Variants in GAS2 observed in about 807,000 individuals in gnomAD.
GAS2 encodes the protein growth arrest-specific protein 2.
Under a neutral mutation model 37.5 loss-of-function variants are expected in GAS2, and 20 were observed. That is an observed-to-expected ratio of 0.53 (90% CI 0.37 to 0.77). The LOEUF is 0.77. Among genes scored for constraint, GAS2 ranks in the 30% least tolerant of loss-of-function variants. GAS2 has a pLI of 0.00. For synonymous variants in GAS2, 144 were observed against 132.2 expected, an observed-to-expected ratio of 1.09 and a Z score of -0.61; for missense variants, 336 against 373.4, an observed-to-expected ratio of 0.90 and a Z score of 0.82.
At position 22,652,528 on chromosome 11, in the gene GAS2, C is replaced by A. The variant is rs932890087; in HGVS notation, c.-20-22322C>A. 6.6e-5 allele frequency among the ~76,000 whole-genome samples: 10 copies of A among 152,320 alleles called. No homozygotes were observed. The East Asian group carries it at 1.9e-3, about 29-fold the overall frequency. On this transcript the variant is annotated intron_variant, in intron 1 of 5. Transcript: ENST00000528582. ...GGCGCCCCTTCCCCAGCCTGGCTGC[C>A]GCCTTGCAGTTTGATCTCAGACTGC... is the stretch of plus-strand genomic sequence containing the variant.
intron 7 of GAS2, among the ~76,000 whole-genome samples, chr11:22,796,489 T>G (rs1378261725): frequency 6.6e-6 from 1 of 152,154 alleles, no homozygotes; most frequent in Non-Finnish European, 1.5e-5. Context: ...TTGTAACATT[T>G]TTCTTTCCCT....
At chr11:22,648,853 C>T (rs962936052) in intron 1 of GAS2, among the ~76,000 whole-genome samples, 21 of 152,130 alleles carry the variant, frequency 1.4e-4, no homozygotes, top group African/African-American at 3.1e-4. Context: ...ACAATCATGT[C>T]GTCTACAAAC....
rs1307994687 is a variant in GAS2, at chr11:22,637,245, T to A, written c.-21+11432T>A. On this transcript the variant is annotated intron_variant, in intron 1 of 5. Coordinates refer to the GAS2 transcript ENST00000528582. Reference sequence around the variant, plus strand: ...GTATACTAATATAATATTAATTATATTAATAGTATACTAATATATTAATTA... The same window carrying A: ...GTATACTAATATAATATTAATTATAATAATAGTATACTAATATATTAATTA... Among the ~76,000 whole-genome samples, 6 of 47,228 alleles carry A rather than the reference T, an allele frequency of 1.3e-4. 1 individual carries two copies. The highest frequency in any genetic ancestry group is 3.8e-4 in the African/African-American group (5 of 13,086). 31.0% of individuals were successfully genotyped at this position (47,228 alleles called of 152,430 possible). A position where few individuals can be genotyped will look rare whatever the true frequency, so the allele number is the denominator to read the frequency against.
Position 22,721,563 on chromosome 11 carries a change from C to T in GAS2, c.268-4729C>T, listed in dbSNP as rs138385933. 8.0e-4 allele frequency among the ~76,000 whole-genome samples: 121 copies of T among 152,142 alleles called. 1 individual carries two copies. The highest frequency in any genetic ancestry group is 2.4e-3 in the African/African-American group (98 of 41,556). On this transcript the variant is annotated intron_variant, in intron 3 of 7. Transcript: ENST00000454584. ...TATAAAACTCCAAATTATAAATTCACTTCTCCCACTATGAATGTACTATCT... is the reference window on the plus strand; with the variant it reads ...TATAAAACTCCAAATTATAAATTCATTTCTCCCACTATGAATGTACTATCT...
At chr11:22,756,105 T>G in intron 7 of GAS2, 152 bp downstream of exon 7, 1 of 591,646 alleles carries the variant, frequency 1.7e-6, no homozygotes. Flanking sequence ...TACATTATAA[T>G]GTACTACTGA....
chr11:22,799,102 G>A (rs1231705485), intron 7 of GAS2, among the ~76,000 whole-genome samples: 1 of 152,072 alleles, frequency 6.6e-6, no homozygotes, highest in East Asian at 1.9e-4. Context: ...CCAGGGGGCT[G>A]AACAGATCTA....
At chr11:22,684,791 A>G (rs566427526) in intron 2 of GAS2, among the ~76,000 whole-genome samples, 2 of 152,230 alleles carry the variant, frequency 1.3e-5, no homozygotes, top group East Asian at 3.9e-4. Context: ...GCTGGTCTCT[A>G]ACTCACGAGC....
intron 1 of GAS2, among the ~76,000 whole-genome samples, chr11:22,649,958 G>A (rs1178893965): frequency 3.9e-5 from 6 of 151,968 alleles, no homozygotes; most frequent in Admixed American, 1.3e-4. Context: ...GTCTTCTGCT[G>A]GCTTTTGAAT....
At chr11:22,700,910 A>G (rs1437482763) in intron 3 of GAS2, among the ~76,000 whole-genome samples, 1 of 152,196 alleles carries the variant, frequency 6.6e-6, no homozygotes, top group Non-Finnish European at 1.5e-5. Flanking sequence ...TTCGATTACT[A>G]GAGGAGACAT....
intron 7 of GAS2, among the ~76,000 whole-genome samples, chr11:22,800,725 G>A (rs1001724485): frequency 2.6e-5 from 4 of 152,044 alleles, no homozygotes; most frequent in Admixed American, 2.0e-4. Flanking sequence ...TACGAATTAC[G>A]ATTTCAAACA....
chr11:22,754,823 A>G (rs971183746), intron 6 of GAS2, among the ~76,000 whole-genome samples: 2 of 152,180 alleles, frequency 1.3e-5, no homozygotes, highest in African/African-American at 4.8e-5. Context: ...TAAATGGGGT[A>G]GACCCCATGA....
At chr11:22,778,353 T>C (rs374072313) in intron 7 of GAS2, among the ~76,000 whole-genome samples, 22 of 152,326 alleles carry the variant, frequency 1.4e-4, no homozygotes, top group African/African-American at 5.3e-4. Context: ...GTCCCTGCTG[T>C]TAAGGAGTAT....
At chr11:22,640,940 C>T (rs1858902520) in intron 1 of GAS2, among the ~76,000 whole-genome samples, 1 of 151,974 alleles carries the variant, frequency 6.6e-6, no homozygotes, top group South Asian at 2.1e-4. Flanking sequence ...GTAAATAGGA[C>T]TGGGAGAAAG....
chr11:22,697,530 T>C (rs1341918616), intron 3 of GAS2, among the ~76,000 whole-genome samples: 3 of 152,232 alleles, frequency 2.0e-5, no homozygotes, highest in African/African-American at 7.2e-5. Flanking sequence ...TAAATTACCT[T>C]GGGCAGTATG....
At chr11:22,782,093 A>G (rs1855581600) in intron 7 of GAS2, among the ~76,000 whole-genome samples, 1 of 152,228 alleles carries the variant, frequency 6.6e-6, no homozygotes, top group Non-Finnish European at 1.5e-5. Context: ...TGTGTGAAAA[A>G]TAATGCAAAT....
At chr11:22,643,587 A>G (rs1406599457) in intron 1 of GAS2, among the ~76,000 whole-genome samples, 5 of 152,132 alleles carry the variant, frequency 3.3e-5, no homozygotes, top group Admixed American at 2.0e-4. Flanking sequence ...TTTGTGTAGT[A>G]ATAAATGGAA....
At chr11:22,698,719 G>A (rs1454874960) in intron 3 of GAS2, among the ~76,000 whole-genome samples, 1 of 151,968 alleles carries the variant, frequency 6.6e-6, no homozygotes, top group Non-Finnish European at 1.5e-5. Flanking sequence ...TTCAATATAT[G>A]CAAATCAATA....
chr11:22,788,048 G>A (rs1254564574), intron 7 of GAS2, among the ~76,000 whole-genome samples: 3 of 152,198 alleles, frequency 2.0e-5, no homozygotes, highest in East Asian at 3.9e-4. Context: ...AATGGTGTGC[G>A]TTTCCTTAAG....
intron 1 of GAS2, among the ~76,000 whole-genome samples, chr11:22,637,334 A>G (rs1362646697): frequency 9.8e-6 from 1 of 102,220 alleles, no homozygotes; most frequent in Non-Finnish European, 1.7e-5. Flanking sequence ...TATTAATTAT[A>G]TTAATAGTAT....
Sources: gnomAD v4.1 joint callset for allele counts (sites outside exome capture counted in the v4.1 genomes callset) on GRCh38, gnomAD v4.1.1 for gene constraint, MANE v1.5 for transcripts, NCBI Gene and HGNC (gene_info 2026-07-23, HGNC 2026-07-21) for gene names.